Variants in CDH23 observed in about 807,000 individuals in gnomAD.
The protein encoded by CDH23 is cadherin related 23, also known as cadherin-23.
In CDH23, 189 loss-of-function variants were observed where a neutral mutation model predicts 317.1. The observed-to-expected ratio is 0.60, with a 90% CI of 0.53 to 0.67. The LOEUF (loss-of-function observed/expected upper bound fraction) is 0.67, where lower values mean the gene tolerates loss of function less well. CDH23 is among the 30% of genes least tolerant of loss of function. The pLI is 0.00. For synonymous variants in CDH23, 1,839 were observed against 1,876.8 expected (o/e 0.98, Z 0.52); for missense variants, 4,401 against 4,592.4 (o/e 0.96, Z 1.20).
At chr10:71,430,683 G>T (rs975255087) in intron 1 of CDH23, among the ~76,000 whole-genome samples, 1 of 152,144 alleles carries the variant, frequency 6.6e-6, no homozygotes. Context: ...GGTGGTGGGA[G>T]CCTGTACTCC....
At chr10:71,635,642 A>G (rs199714099) in intron 11 of CDH23, among the ~76,000 whole-genome samples, 2,790 of 150,220 alleles carry the variant, frequency 0.019, 184 homozygotes, top group East Asian at 0.17. Flanking sequence ...CAAGAGGGGG[A>G]AGGAGGGAGT....
intron 38 of CDH23, among the ~76,000 whole-genome samples, chr10:71,758,585 T>G (rs1162717199): frequency 1.3e-5 from 2 of 152,192 alleles, no homozygotes; most frequent in Admixed American, 6.5e-5. Context: ...GGGAAGAAGG[T>G]GAGTATGCAG....
chr10:71,779,759 G>A (rs572918688), intron 41 of CDH23, among the ~76,000 whole-genome samples: 1 of 152,322 alleles, frequency 6.6e-6, no homozygotes, highest in East Asian at 1.9e-4. Flanking sequence ...GGCAGACGAG[G>A]GAAGCACATC....
In CDH23 at chr10:71,682,509, C is replaced by T; in HGVS notation, c.1923C>T (p.Val641=). ...CCAATGGGCTGATTTATCTGACGGT[C>T]ATGGCCATGGATGCTGGCAACCCCC... ...QISNGLIYLT[V]MAMDAGNPPL... The change falls in exon 18 of 70, where the codon GTC becomes GTT. Residue 641 remains valine (V), a synonymous_variant. Coordinates refer to ENST00000224721, the MANE Select transcript of CDH23 (RefSeq NM_022124.6). 6.2e-7 allele frequency: 1 copy of T among 1,613,544 alleles called. No individual in the cohort carries two copies. The highest frequency in any genetic ancestry group is 8.5e-7 in the Non-Finnish European group (1 of 1,179,714).
chr10:71,770,394 G>T (rs1840659356), intron 38 of CDH23, among the ~76,000 whole-genome samples: 1 of 152,188 alleles, frequency 6.6e-6, no homozygotes, highest in African/African-American at 2.4e-5. Flanking sequence ...TTTAAGCCTA[G>T]GTCTGAGTGA....
Position 71,815,919 on chromosome 10 carries a change from T to C in CDH23, c.*641T>C, listed in dbSNP as rs1019080185. On this transcript the variant is annotated 3_prime_UTR_variant, in exon 70 of 70. Coordinates refer to ENST00000224721, the MANE Select transcript of CDH23 (RefSeq NM_022124.6). ...TTGAATGTGGAGTGTTTGTGTGTGT[T>C]CCTTTTTTAAATTAAGTTATTCCCT... 6.3e-6 allele frequency: 1 copy of C among 159,650 alleles called. No homozygotes were observed. The highest frequency in any genetic ancestry group is 2.4e-5 in the African/African-American group (1 of 41,646). The allele number at this position is 159,650 out of a possible 1,614,324, so 9.9% of individuals were successfully genotyped here.
rs1296248847 is a variant in CDH23 at position 71,805,842 on chromosome 10, G to C, written c.7909G>C (p.Ala2637Pro). The C allele has an allele frequency of 6.2e-7, 1 of 1,613,750 alleles. No homozygotes were observed. Among genetic ancestry groups the C allele is most frequent in the Non-Finnish European group, 8.5e-7 (1 of 1,179,830 alleles). Reference sequence around the variant, plus strand: ...GCGCTCCAACGTGTACGAGGTCTACGCCACGGACAAGGATGAGGGCCTCAA... The same window carrying C: ...GCGCTCCAACGTGTACGAGGTCTACCCCACGGACAAGGATGAGGGCCTCAA... Reference protein sequence around the residue: ...PLRSNVYEVYATDKDEGLNGA... With the variant: ...PLRSNVYEVYPTDKDEGLNGA... The change falls in exon 56 of 70, where the codon GCC becomes CCC. Residue 2637 changes from alanine to proline, a missense_variant. Around this residue, in one of 3 missense-constraint regions of CDH23, gnomAD observed 1,144 missense variants for 1,138.2 expected, o/e 1.01. Transcript: ENST00000224721.
At chr10:71,789,078 G>A (rs770395578) in intron 45 of CDH23, 36 bp downstream of exon 45, 2 of 1,030,752 alleles carry the variant, frequency 1.9e-6, no homozygotes, top group Non-Finnish European at 3.1e-6. Context: ...TCCTGCTGTT[G>A]CCAGGCACCA....
At chr10:71,700,784 C>T (rs940426577) in intron 22 of CDH23, among the ~76,000 whole-genome samples, 10 of 152,170 alleles carry the variant, frequency 6.6e-5, no homozygotes, top group Non-Finnish European at 1.2e-4. Flanking sequence ...TCTCTCTCCC[C>T]GGCCTCCCCA....
At chr10:71,402,603 A>T (rs144049168) in intron 1 of CDH23, among the ~76,000 whole-genome samples, 1 of 152,244 alleles carries the variant, frequency 6.6e-6, no homozygotes, top group East Asian at 1.9e-4. Context: ...TATCCCTTTG[A>T]CTTACTTATA....
rs756860108 is a variant in CDH23 at position 71,808,024 on chromosome 10, CAT to C, written c.8722+18_8722+19del. 19 of 1,569,880 alleles carry C rather than the reference CAT, an allele frequency of 1.2e-5. No homozygotes were observed. Among genetic ancestry groups the C allele is most frequent in the South Asian group, 4.7e-5 (4 of 85,506 alleles). On this transcript the variant is annotated intron_variant, in intron 60 of 69. Coordinates refer to ENST00000224721, the MANE Select transcript of CDH23 (RefSeq NM_022124.6). The stretch of plus-strand genomic sequence containing the variant: ...TCACCATGGGTAGGGCCTGGCAGCA[CAT>C]GAGTGGCCTCTAGCCATGACCTCTC...
intron 11 of CDH23, among the ~76,000 whole-genome samples, chr10:71,636,139 C>G (rs1862261334): frequency 1.3e-5 from 2 of 151,718 alleles, no homozygotes; most frequent in South Asian, 4.2e-4. Flanking sequence ...GCAAAGGAGT[C>G]ACAAGAGGAG....
At chr10:71,462,974 G>A (rs1851079007) in intron 3 of CDH23, among the ~76,000 whole-genome samples, 1 of 152,200 alleles carries the variant, frequency 6.6e-6, no homozygotes, top group South Asian at 2.1e-4. Context: ...TGGCCTAAAG[G>A]CCAACTCAGG....
intron 3 of CDH23, among the ~76,000 whole-genome samples, chr10:71,450,622 C>A (rs925743049): frequency 6.6e-6 from 1 of 152,206 alleles, no homozygotes; most frequent in Non-Finnish European, 1.5e-5. Flanking sequence ...TCACCAACCA[C>A]CTCTGTGTTG....
At chr10:71,702,444 G>T in intron 23 of CDH23, 105 bp from the exon 24 acceptor site, 1 of 1,431,492 alleles carries the variant, frequency 7.0e-7, no homozygotes. Flanking sequence ...TTGGGATGGA[G>T]GGCTCTGAAT....
intron 3 of CDH23, among the ~76,000 whole-genome samples, chr10:71,448,605 C>T (rs898974499): frequency 1.3e-5 from 2 of 152,204 alleles, no homozygotes; most frequent in African/African-American, 4.8e-5. Flanking sequence ...AAGTCAGGAG[C>T]CCAACATCTG....
chr10:71,750,712 G>T (rs1061479), intron 38 of CDH23: 7,174 of 152,976 alleles, frequency 0.047, 204 homozygotes, highest in South Asian at 0.081. Context: ...GGCAGCTGGG[G>T]AAGGTGGCGA....
intron 6 of CDH23, among the ~76,000 whole-genome samples, chr10:71,540,280 G>A (rs542078305): frequency 9.5e-4 from 144 of 152,284 alleles, no homozygotes; most frequent in Non-Finnish European, 7.9e-4. Flanking sequence ...GGACCAGAAA[G>A]CAGCTCATTC....
At chr10:71,630,668 A>G (rs1328237780) in intron 11 of CDH23, among the ~76,000 whole-genome samples, 1 of 152,214 alleles carries the variant, frequency 6.6e-6, no homozygotes, top group Non-Finnish European at 1.5e-5. Context: ...CTTGTTAGAC[A>G]CCCAGATGGA....
Sources: gnomAD v4.1 joint callset for allele counts (sites outside exome capture counted in the v4.1 genomes callset) on GRCh38, gnomAD v4.1.1 for gene constraint, gnomAD v4.1.1 regional missense constraint, MANE v1.5 for transcripts, NCBI Gene and HGNC (gene_info 2026-07-23, HGNC 2026-07-21) for gene names.